The following TNFRSF13B variants were observed in gnomAD, a reference collection of about 807,000 sequenced individuals.
The protein encoded by TNFRSF13B is tumor necrosis factor receptor superfamily member 13B.
Under a neutral mutation model 24.0 loss-of-function variants are expected in TNFRSF13B, and 34 were observed. The ratio of observed to expected loss-of-function variants is 1.41; its 90% CI spans 1.08 to 1.88. The LOEUF is 1.88. Ranked by LOEUF, TNFRSF13B falls within the 40% of genes most tolerant of loss-of-function variation. The probability of loss-of-function intolerance (pLI) is 0.00; values close to 1 mark genes in which losing one functional copy is unlikely to be tolerated. For synonymous variants in TNFRSF13B, 173 were observed against 150.3 expected (o/e 1.15, Z -1.10); for missense variants, 415 against 380.8 (o/e 1.09, Z -0.75).
chr17:16,963,941 A>G (rs1014166602), intron 1 of TNFRSF13B, among the ~76,000 whole-genome samples: 1 of 152,156 alleles, frequency 6.6e-6, no homozygotes, highest in Non-Finnish European at 1.5e-5. Context: ...GCAGGAGAGG[A>G]TTCCAGCGTG....
Position 16,948,713 on chromosome 17 carries a change from T to G in TNFRSF13B, c.445+25A>C, listed in dbSNP as rs2274892. On this transcript the variant is annotated intron_variant, in intron 3 of 4. Transcript: ENST00000261652. ...CGCTTTCTCACCCTGCGTGACACCA[T>G]GCAGGTTTGCCTTGGGTGGCTTACC... 606,828 of 1,612,792 alleles carry G rather than the reference T, an allele frequency of 0.38. 117,095 individuals are homozygous for G. The highest frequency in any genetic ancestry group is 0.65 in the East Asian group (28,975 of 44,862).
chr17:16,948,028 C>T (rs11656532), intron 3 of TNFRSF13B, among the ~76,000 whole-genome samples: 61,026 of 152,064 alleles, frequency 0.4, 12,738 homozygotes, highest in East Asian at 0.66. Flanking sequence ...AAGAAAAATA[C>T]GTTTTTTGCA....
intron 4 of TNFRSF13B, 125 bp downstream of exon 4, chr17:16,940,201 A>G: frequency 6.3e-7 from 1 of 1,594,296 alleles, no homozygotes; most frequent in Non-Finnish European, 8.5e-7. Context: ...AAGGTATAGC[A>G]AGTAACAGGG....
chr17:16,939,569 T>A lies in TNFRSF13B; in HGVS notation c.860A>T (p.Gln287Leu). ...CATTTATGCACCTGGGCCCCCCTCC[T>A]GGGCAGGCACACACACAATGCCAAG... ...SGLGIVCVPA[Q>L]EGGPGA Residue 287 changes from glutamine to leucine, a missense_variant, in exon 5 of 5, where the codon CAG becomes CTG. By Grantham distance (113) the Gln-to-Leu change is moderately radical. Coordinates refer to ENST00000261652, the MANE Select transcript of TNFRSF13B (RefSeq NM_012452.3). 1 of 1,612,962 alleles carries A rather than the reference T, an allele frequency of 6.2e-7. No homozygotes were observed. Among genetic ancestry groups the A allele is most frequent in the Non-Finnish European group, 8.5e-7 (1 of 1,179,480 alleles).
chr17:16,965,031 G>A (rs1479175041), intron 1 of TNFRSF13B, among the ~76,000 whole-genome samples: 2 of 151,934 alleles, frequency 1.3e-5, no homozygotes, highest in African/African-American at 4.8e-5. Flanking sequence ...GATATAAATA[G>A]TATGAAATAT....
intron 1 of TNFRSF13B, among the ~76,000 whole-genome samples, chr17:16,956,965 T>G (rs2087629208): frequency 6.6e-6 from 1 of 152,162 alleles, no homozygotes; most frequent in African/African-American, 2.4e-5. Context: ...TTCAAAGCCA[T>G]GTACAACACT....
Position 16,940,198 on chromosome 17 carries a change from A to AGCAAGTAACAGGGATGAGCCCTGG in TNFRSF13B, c.631+104_631+127dup. The AGCAAGTAACAGGGATGAGCCCTGG allele has an allele frequency of 5.7e-6, 9 of 1,590,032 alleles. No individual in the cohort carries two copies. In the South Asian group the frequency reaches 9.1e-5, roughly 16 times the overall value. ...TCTTAACCTGATTTTATCAAGGTAT[A>AGCAAGTAACAGGGATGAGCCCTGG]GCAAGTAACAGGGATGAGCCCTGGG... is the stretch of plus-strand genomic sequence containing the variant. On this transcript the variant is annotated intron_variant, in intron 4 of 4. Transcript: ENST00000261652.
At position 16,948,957 on chromosome 17, in the gene TNFRSF13B, C is replaced by A. The variant is rs146436713; in HGVS notation, c.226G>T (p.Gly76Cys). Residue 76 changes from glycine to cysteine, a missense_variant, in exon 3 of 5, where the codon GGC becomes TGC. Physicochemically the swap from Gly to Cys is radical, Grantham distance 159. Transcript: ENST00000261652. ...CRSLSCRKEQ[G>C]KFYDHLLRDC... ...CTCAGGAGATGGTCATAGAACTTGCCTTGCTCCTTGCGGCAGCTGAGTGAC... is the reference window on the plus strand; with the variant it reads ...CTCAGGAGATGGTCATAGAACTTGCATTGCTCCTTGCGGCAGCTGAGTGAC... 26 of 1,614,168 alleles carry A rather than the reference C, an allele frequency of 1.6e-5. No homozygotes were observed. The East Asian group carries it at 5.8e-4, about 36-fold the overall frequency.
At chr17:16,943,267 G>T (rs2087524335) in intron 3 of TNFRSF13B, among the ~76,000 whole-genome samples, 1 of 152,198 alleles carries the variant, frequency 6.6e-6, no homozygotes, top group Admixed American at 6.5e-5. Context: ...GAAGAGAAGG[G>T]AAGAGACACA....
intron 1 of TNFRSF13B, among the ~76,000 whole-genome samples, chr17:16,960,345 A>G (rs1156984065): frequency 6.6e-6 from 1 of 152,190 alleles, no homozygotes; most frequent in East Asian, 1.9e-4. Flanking sequence ...CAGGATACAC[A>G]CATTTGCCAC....
intron 1 of TNFRSF13B, among the ~76,000 whole-genome samples, chr17:16,967,751 C>CAAAAAAAAAAAAAAAAAAA (rs975103327): frequency 3.7e-4 from 9 of 24,400 alleles, no homozygotes; most frequent in Non-Finnish European, 5.0e-4. Context: ...GACTCCGTCT[C>CAAAAAAAAAAAAAAAAAAA]AAAAAAAAAA....
chr17:16,957,204 A>T (rs2143670398), intron 1 of TNFRSF13B, among the ~76,000 whole-genome samples: 1 of 150,762 alleles, frequency 6.6e-6, no homozygotes, highest in Middle Eastern at 3.4e-3. Flanking sequence ...AGAACCATAC[A>T]GAAGTTCTGG....
chr17:16,940,978 T>G, intron 3 of TNFRSF13B: 40 of 988,770 alleles, frequency 4.0e-5, no homozygotes, highest in Middle Eastern at 4.8e-4. Context: ...AATCCGCGGA[T>G]GTCCAAGTGC....
rs763264571 is a variant in TNFRSF13B at position 16,940,500 on chromosome 17, G to GC, written c.456dup (p.Leu153AlafsTer84). ...GCCACCTGATCTGCACTCAGCTTCAGCCCCGGGAGAGCTGCAAGACAGCAT... is the reference window on the plus strand; with the variant it reads ...GCCACCTGATCTGCACTCAGCTTCAGCCCCCGGGAGAGCTGCAAGACAGCAT... On this transcript the variant is annotated frameshift_variant, in exon 4 of 5. Coordinates refer to ENST00000261652, the MANE Select transcript of TNFRSF13B (RefSeq NM_012452.3). LOFTEE classifies it high-confidence loss of function. 3 of 1,613,422 alleles carry GC rather than the reference G, an allele frequency of 1.9e-6. No individual in the cohort carries two copies. In the African/African-American group the frequency reaches 4.0e-5, roughly 22 times the overall value.
chr17:16,948,431 T>C (rs1264146516), intron 3 of TNFRSF13B, among the ~76,000 whole-genome samples: 9 of 152,230 alleles, frequency 5.9e-5, no homozygotes, highest in African/African-American at 2.2e-4. Flanking sequence ...GCTCAGGTGC[T>C]CACACAGGTG....
Position 16,953,647 on chromosome 17 carries a change from T to TA in TNFRSF13B, c.62-1065dup, listed in dbSNP as rs535958780. 2.7e-4 allele frequency among the ~76,000 whole-genome samples: 41 copies of TA among 152,340 alleles called. No individual in the cohort carries two copies. The South Asian group carries it at 8.3e-3, about 31-fold the overall frequency. ...GCTCTCTGCATGTCTGGTTTTGTGT[T>TA]ACTGTGAATCTTCCACTGTGTGCAT... On this transcript the variant is annotated intron_variant, in intron 1 of 4. Transcript: ENST00000261652.
At chr17:16,971,674 C>CA (rs2143696150) in intron 1 of TNFRSF13B, among the ~76,000 whole-genome samples, 1 of 152,150 alleles carries the variant, frequency 6.6e-6, no homozygotes, top group Admixed American at 6.5e-5. Flanking sequence ...CTCCACAACT[C>CA]AAACAATCTG....
At chr17:16,956,159 C>T (rs1216124520) in intron 1 of TNFRSF13B, among the ~76,000 whole-genome samples, 1 of 152,180 alleles carries the variant, frequency 6.6e-6, no homozygotes, top group Non-Finnish European at 1.5e-5. Context: ...TGACTACACA[C>T]AACAAGGAAT....
intron 1 of TNFRSF13B, among the ~76,000 whole-genome samples, chr17:16,954,007 C>T (rs533659356): frequency 4.6e-5 from 7 of 152,336 alleles, no homozygotes; most frequent in East Asian, 1.9e-4. Context: ...CCTCGTGATC[C>T]GCCCGAGTCG....
Sources: allele counts gnomAD v4.1 joint callset (sites outside exome capture counted in the v4.1 genomes callset), GRCh38; gene constraint gnomAD v4.1.1; transcripts MANE v1.5; gene names NCBI Gene and HGNC (gene_info 2026-07-23, HGNC 2026-07-21).